TEX9: variants seen among roughly 807,000 people sequenced by gnomAD.
The protein encoded by TEX9 is testis-expressed protein 9.
In TEX9, 74 loss-of-function variants were observed where a neutral mutation model predicts 59.6. The observed-to-expected ratio is 1.24, with a 90% CI of 1.03 to 1.51. The LOEUF (loss-of-function observed/expected upper bound fraction) is 1.51, where lower values mean the gene tolerates loss of function less well. Ranked by LOEUF, TEX9 falls within the 40% of genes most tolerant of loss-of-function variation. The probability of loss-of-function intolerance (pLI) is 0.00; values close to 1 mark genes in which losing one functional copy is unlikely to be tolerated. For missense variants in TEX9, 522 were observed against 447.8 expected (o/e 1.17, Z -1.49); for synonymous variants, 186 against 152.2 (o/e 1.22, Z -1.64).
intron 1 of TEX9, among the ~76,000 whole-genome samples, chr15:56,322,736 A>C (rs2045930189): frequency 6.6e-6 from 1 of 152,158 alleles, no homozygotes; most frequent in Admixed American, 6.6e-5. Flanking sequence ...TCCAGAGTCA[A>C]AGTTTTGCCA....
chr15:56,361,914 G>C (rs2046796934), upstream of TEX9, among the ~76,000 whole-genome samples: 1 of 146,430 alleles, frequency 6.8e-6, no homozygotes, highest in Admixed American at 6.6e-5. Flanking sequence ...ACATAGTCCT[G>C]GTGATACTTC....
intron 1 of TEX9, among the ~76,000 whole-genome samples, chr15:56,299,937 G>A (rs1352037464): frequency 6.6e-6 from 1 of 152,216 alleles, no homozygotes; most frequent in Middle Eastern, 3.4e-3. Context: ...ACAATATCCT[G>A]TTGGCTTTCA....
chr15:56,248,404 A>G (rs886526253), intron 1 of TEX9, among the ~76,000 whole-genome samples: 11 of 152,248 alleles, frequency 7.2e-5, no homozygotes, highest in Non-Finnish European at 1.6e-4. Context: ...CTGTCAAGGC[A>G]GCAGACTGTT....
At chr15:56,347,109 T>C (rs1332377400) in intron 1 of TEX9, among the ~76,000 whole-genome samples, 1 of 152,186 alleles carries the variant, frequency 6.6e-6, no homozygotes, top group Admixed American at 6.5e-5. Context: ...AAAGTCATAT[T>C]GTGTTCATGG....
chr15:56,365,316 A>G, upstream of TEX9: 1 of 1,209,270 alleles, frequency 8.3e-7, no homozygotes, highest in Non-Finnish European at 1.1e-6. Flanking sequence ...GCCCGCTGCC[A>G]GAGGCTCGCG....
At chr15:56,267,649 G>A (rs2044419082) in intron 1 of TEX9, among the ~76,000 whole-genome samples, 2 of 152,086 alleles carry the variant, frequency 1.3e-5, no homozygotes, top group African/African-American at 2.4e-5. Flanking sequence ...GATGTGTGGT[G>A]TTATTTCTGA....
At chr15:56,399,632 C>T (rs1375077292) in intron 9 of TEX9, among the ~76,000 whole-genome samples, 1 of 152,222 alleles carries the variant, frequency 6.6e-6, no homozygotes, top group Non-Finnish European at 1.5e-5. Context: ...GGCGTTTGAG[C>T]TCTGAGAATG....
chr15:56,360,552 A>T (rs1383067994), upstream of TEX9, among the ~76,000 whole-genome samples: 1 of 152,080 alleles, frequency 6.6e-6, no homozygotes, highest in Non-Finnish European at 1.5e-5. Context: ...TTGATGACTT[A>T]TTTTCCATTT....
downstream of TEX9, among the ~76,000 whole-genome samples, chr15:56,450,867 C>G (rs1416735605): frequency 2.0e-5 from 3 of 152,104 alleles, no homozygotes; most frequent in African/African-American, 7.2e-5. Flanking sequence ...TCTGAGGGTT[C>G]CAATTTTCCC....
intron 9 of TEX9, among the ~76,000 whole-genome samples, chr15:56,401,139 CT>C (rs2048746899): frequency 6.6e-6 from 1 of 151,730 alleles, no homozygotes. Context: ...CAATATTAAC[CT>C]TAAATGTAAA....
At chr15:56,329,388 A>C (rs2046094328) in intron 1 of TEX9, among the ~76,000 whole-genome samples, 1 of 152,194 alleles carries the variant, frequency 6.6e-6, no homozygotes, top group Non-Finnish European at 1.5e-5. Flanking sequence ...GATGAACATC[A>C]ACAAACATCA....
downstream of TEX9, among the ~76,000 whole-genome samples, chr15:56,446,184 G>A (rs1431033816): frequency 6.6e-6 from 1 of 151,964 alleles, no homozygotes; most frequent in African/African-American, 2.4e-5. Flanking sequence ...ATACACAATA[G>A]ATATGTATGT....
At chr15:56,291,648 A>G (rs1309019789) in intron 1 of TEX9, among the ~76,000 whole-genome samples, 2 of 152,180 alleles carry the variant, frequency 1.3e-5, no homozygotes, top group African/African-American at 4.8e-5. Context: ...TTGAACTTAT[A>G]TCTCTTGTCT....
At chr15:56,353,589 A>G (rs1280893160) in intron 1 of TEX9, among the ~76,000 whole-genome samples, 1 of 152,226 alleles carries the variant, frequency 6.6e-6, no homozygotes, top group Admixed American at 6.5e-5. Context: ...CATGATTAAA[A>G]TTGTGATTTA....
At chr15:56,455,143 C>T in the TEX9 span, among the ~76,000 whole-genome samples, 43 of 147,334 alleles carry the variant, frequency 2.9e-4, no homozygotes, top group African/African-American at 1.1e-3. Context: ...TCAGGAGGAA[C>T]ATTTATCTGA....
chr15:56,287,849 G>A (rs1339974513), intron 1 of TEX9, among the ~76,000 whole-genome samples: 2 of 151,998 alleles, frequency 1.3e-5, no homozygotes, highest in African/African-American at 4.8e-5. Context: ...CAAATGACAG[G>A]GTTTCCTTCC....
chr15:56,367,500 G>A (rs532342774), intron 2 of TEX9, among the ~76,000 whole-genome samples: 29 of 152,286 alleles, frequency 1.9e-4, no homozygotes, highest in African/African-American at 7.0e-4. Context: ...ATAGACTAAG[G>A]AAGATGCTAA....
intron 1 of TEX9, among the ~76,000 whole-genome samples, chr15:56,332,306 C>A (rs2046164665): frequency 1.3e-5 from 2 of 151,608 alleles, no homozygotes. Flanking sequence ...ATGATGAGTT[C>A]ATGTCCTTTG....
chr15:56,290,455 C>A (rs576611572), intron 1 of TEX9, among the ~76,000 whole-genome samples: 4 of 151,892 alleles, frequency 2.6e-5, no homozygotes, highest in Non-Finnish European at 5.9e-5. Context: ...CCCTGCCCCC[C>A]CCAGTTTTTT....
Sources: allele counts gnomAD v4.1 joint callset (sites outside exome capture counted in the v4.1 genomes callset), GRCh38; gene constraint gnomAD v4.1.1; transcripts MANE v1.5; gene names NCBI Gene and HGNC (gene_info 2026-07-23, HGNC 2026-07-21).